ACOD1: variants seen among roughly 807,000 people sequenced by gnomAD.
ACOD1 encodes cis-aconitate decarboxylase.
Under a neutral mutation model 14.2 loss-of-function variants are expected in ACOD1, and 14 were observed. The observed-to-expected ratio is 0.99, with a 90% CI of 0.65 to 1.54. The LOEUF is 1.54. Ranked by LOEUF, ACOD1 falls within the 40% of genes most tolerant of loss-of-function variation. The pLI is 0.00. For synonymous variants in ACOD1, 182 were observed against 221.7 expected, an observed-to-expected ratio of 0.82 and a Z score of 1.59; for missense variants, 530 against 586.3, an observed-to-expected ratio of 0.90 and a Z score of 0.99.
At position 76,955,535 on chromosome 13, in the gene ACOD1, A is replaced by T; in HGVS notation, c.470+11A>T. The T allele has an allele frequency of 6.5e-7, 1 of 1,548,056 alleles. No homozygotes were observed. Among genetic ancestry groups the T allele is most frequent in the Non-Finnish European group, 8.7e-7 (1 of 1,144,938 alleles). ...TGACATGCCAAAGAGGTATGGAGAG[A>T]ATTTGCCCCATCAAAAGGTAGTCAC... On this transcript the variant is annotated intron_variant, in intron 4 of 4. Transcript: ENST00000377462.
intron 2 of ACOD1, 127 bp from the exon 3 acceptor site, chr13:76,953,471 GCT>G (rs1422022517): frequency 1.7e-5 from 10 of 593,854 alleles, no homozygotes; most frequent in Non-Finnish European, 3.1e-5. Flanking sequence ...AATGACTAGG[GCT>G]TCTATCTGTG....
chr13:76,955,565 C>A, intron 4 of ACOD1, 41 bp downstream of exon 4: 1 of 1,499,774 alleles, frequency 6.7e-7, no homozygotes, highest in South Asian at 1.2e-5. Flanking sequence ...AGTCACATCC[C>A]CTTCATCTAT....
rs1393321037 is a variant in ACOD1 at position 76,958,015 on chromosome 13, T to C, written c.*30T>C. The C allele has an allele frequency of 6.8e-7, 1 of 1,466,472 alleles. No individual in the cohort carries two copies. Among genetic ancestry groups the C allele is most frequent in the East Asian group, 2.5e-5 (1 of 40,406 alleles). The allele number at this position is 1,466,472 out of a possible 1,614,324, so 90.8% of individuals were successfully genotyped here. ...TACCAACATCTAAATGACTTTGCAT[T>C]TGGGGAGATTCAATGATTTGGTTTG... On this transcript the variant is annotated 3_prime_UTR_variant, in exon 5 of 5. Coordinates refer to ENST00000377462, the MANE Select transcript of ACOD1 (RefSeq NM_001258406.2).
In ACOD1 at chr13:76,952,550, G is replaced by A. The variant is rs1164508546; in HGVS notation, c.74G>A (p.Arg25His). 1.0e-5 allele frequency: 16 copies of A among 1,550,388 alleles called. No individual in the cohort carries two copies. The highest frequency in any genetic ancestry group is 9.8e-5 in the East Asian group (4 of 40,892). ...HGLKVGHLTD[R>H]VIQRSKRMIL... ...TTGAAAGTGGGACACCTGACAGATC[G>A]TGTTATTCAGAGGAGCAAGAGGATG... The change falls in exon 2 of 5, where the codon CGT becomes CAT. Residue 25 changes from arginine (R) to histidine (H), a missense_variant. Arg to His is a conservative substitution (Grantham distance 29). Coordinates refer to ENST00000377462, the MANE Select transcript of ACOD1 (RefSeq NM_001258406.2).
At chr13:76,951,322 G>A (rs1320065639) in intron 1 of ACOD1, among the ~76,000 whole-genome samples, 7 of 152,106 alleles carry the variant, frequency 4.6e-5, no homozygotes, top group African/African-American at 7.2e-5. Flanking sequence ...TGCAACCTCC[G>A]CCTCCCAGGT....
chr13:76,950,223 C>G (rs1265137048), intron 1 of ACOD1, among the ~76,000 whole-genome samples: 1 of 152,134 alleles, frequency 6.6e-6, no homozygotes, highest in Non-Finnish European at 1.5e-5. Flanking sequence ...GCCCCTCACC[C>G]TACAGCTAAG....
chr13:76,953,759 G>C, intron 3 of ACOD1, 70 bp downstream of exon 3: 2 of 990,024 alleles, frequency 2.0e-6, no homozygotes, highest in Non-Finnish European at 3.1e-6. Flanking sequence ...AAATATCTCA[G>C]AAATTGCCCA....
chr13:76,953,863 CA>C (rs1356699214), intron 3 of ACOD1, among the ~76,000 whole-genome samples, 174 bp downstream of exon 3: 1 of 152,086 alleles, frequency 6.6e-6, no homozygotes, highest in Non-Finnish European at 1.5e-5. Flanking sequence ...CATGTTTTTA[CA>C]GTAAATTGAT....
At chr13:76,955,166 A>T (rs1368315362) in intron 3 of ACOD1, among the ~76,000 whole-genome samples, 153 bp from the exon 4 acceptor site, 1 of 151,462 alleles carries the variant, frequency 6.6e-6, no homozygotes, top group Non-Finnish European at 1.5e-5. Flanking sequence ...AAAAAATCAC[A>T]GACATTTCTC....
intron 4 of ACOD1, among the ~76,000 whole-genome samples, chr13:76,955,997 C>T (rs937685009): frequency 1.3e-5 from 2 of 152,168 alleles, no homozygotes; most frequent in Non-Finnish European, 2.9e-5. Context: ...AATTGAAATA[C>T]TAGGTAGTGA....
intron 4 of ACOD1, 87 bp downstream of exon 4, chr13:76,955,611 GC>G: frequency 8.3e-7 from 1 of 1,210,926 alleles, no homozygotes; most frequent in Admixed American, 2.1e-5. Flanking sequence ...TGACTTAGAG[GC>G]CGGTTCAGAG....
Position 76,957,305 on chromosome 13 carries a change from A to G in ACOD1, c.766A>G (p.Ser256Gly). Residue 256 changes from serine (S) to glycine (G), a missense_variant, in exon 5 of 5, where the codon AGC (serine) becomes GGC (glycine). Transcript: ENST00000377462. Reference protein sequence around the residue: ...YANYSPKVLPSIASYSWLLDQ... With the variant: ...YANYSPKVLPGIASYSWLLDQ... Reference sequence around the variant, plus strand: ...CAACTATTCCCCAAAAGTCCTTCCAAGCATAGCTTCCTACAGTTGGCTGCT... The same window carrying G: ...CAACTATTCCCCAAAAGTCCTTCCAGGCATAGCTTCCTACAGTTGGCTGCT... 1 of 1,550,630 alleles carries G rather than the reference A, an allele frequency of 6.4e-7. No individual in the cohort carries two copies. Among genetic ancestry groups the G allele is most frequent in the Non-Finnish European group, 8.7e-7 (1 of 1,146,990 alleles).
In ACOD1 at chr13:76,950,050, T is replaced by C. The variant is rs371644381; in HGVS notation, c.12+1480T>C. On this transcript the variant is annotated intron_variant, in intron 1 of 4. Transcript: ENST00000377462. ...CCCATCCTTTTGAAAATGGCAAGTG[T>C]TCCTTGACTTGATAAACCTGACATG... 2.6e-5 allele frequency among the ~76,000 whole-genome samples: 4 copies of C among 152,226 alleles called. No individual in the cohort carries two copies. The East Asian group carries it at 5.8e-4, about 22-fold the overall frequency.
rs183225737 is a variant in ACOD1 at position 76,952,679 on chromosome 13, T to C, written c.174+29T>C. 4 of 1,539,568 alleles carry C rather than the reference T, an allele frequency of 2.6e-6. No individual in the cohort carries two copies. In the Admixed American group the frequency reaches 6.0e-5, roughly 23 times the overall value. On this transcript the variant is annotated intron_variant, in intron 2 of 4. Transcript: ENST00000377462. ...AGAAGCTCAAGGTCTACATTAGAGA[T>C]AAAACCCAGTGCATACATATGTGTT...
intron 3 of ACOD1, among the ~76,000 whole-genome samples, chr13:76,954,243 C>T (rs1029602183): frequency 1.3e-5 from 2 of 152,022 alleles, no homozygotes; most frequent in Non-Finnish European, 2.9e-5. Flanking sequence ...TTGGGATTTC[C>T]GAGATATTTT....
At chr13:76,949,426 C>G (rs138172405) in intron 1 of ACOD1, among the ~76,000 whole-genome samples, 1 of 152,176 alleles carries the variant, frequency 6.6e-6, no homozygotes, top group Non-Finnish European at 1.5e-5. Context: ...CCACAGACAG[C>G]TGAGCAGCTG....
chr13:76,956,951 A>G lies in ACOD1; in HGVS notation c.471-59A>G, dbSNP rs2033882378. ...TATCAATGTTCTTGATGACTACGCT[A>G]TCCTGCCTCCTGGTGGTTACGGTTT... On this transcript the variant is annotated intron_variant, in intron 4 of 4. Transcript: ENST00000377462. 4 of 1,486,226 alleles carry G rather than the reference A, an allele frequency of 2.7e-6. No homozygotes were observed. In the East Asian group the frequency reaches 7.4e-5, roughly 28 times the overall value. The allele number at this position is 1,486,226 out of a possible 1,614,324, so 92.1% of individuals were successfully genotyped here.
intron 4 of ACOD1, among the ~76,000 whole-genome samples, chr13:76,956,079 C>T (rs1036903692): frequency 6.6e-6 from 1 of 152,182 alleles, no homozygotes; most frequent in African/African-American, 2.4e-5. Flanking sequence ...ATAGCTGTTG[C>T]CTTTCTGGCA....
intron 1 of ACOD1, 109 bp downstream of exon 1, chr13:76,948,679 T>C (rs1457421345): frequency 5.7e-6 from 5 of 870,940 alleles, no homozygotes; most frequent in Non-Finnish European, 9.0e-6. Context: ...GCTTCTGCTT[T>C]AACTTTTCTT....
Sources: gnomAD v4.1 joint callset for allele counts (sites outside exome capture counted in the v4.1 genomes callset) on GRCh38, gnomAD v4.1.1 for gene constraint, MANE v1.5 for transcripts, NCBI Gene and HGNC (gene_info 2026-07-23, HGNC 2026-07-21) for gene names.